Variants in ST7 observed in about 807,000 individuals in gnomAD.
ST7 encodes the protein suppressor of tumorigenicity 7 protein.
A neutral mutation model predicts 78.7 loss-of-function variants in ST7; 28 were observed. That is an observed-to-expected ratio of 0.36 (90% CI 0.26 to 0.49). ST7 has a LOEUF of 0.49. Among genes scored for constraint, ST7 ranks in the 20% least tolerant of loss-of-function variants. The pLI, the probability that ST7 is intolerant of heterozygous loss-of-function variation, is 0.99. For synonymous variants in ST7, 247 were observed against 249.6 expected (o/e 0.99, Z 0.10); for missense variants, 418 against 696.0 (o/e 0.60, Z 4.49).
intron 12 of ST7, among the ~76,000 whole-genome samples, chr7:117,202,735 A>G (rs1315701611): frequency 6.6e-6 from 1 of 152,094 alleles, no homozygotes; most frequent in African/African-American, 2.4e-5. Context: ...TCACTTCCCA[A>G]TTGCCTATGG....
At chr7:117,198,053 A>C (rs1810481555) in intron 12 of ST7, among the ~76,000 whole-genome samples, 1 of 152,226 alleles carries the variant, frequency 6.6e-6, no homozygotes, top group Admixed American at 6.5e-5. Context: ...CTTTGTCTCT[A>C]AAAAAGAGAA....
At chr7:117,031,830 A>ATGCATATATGTG (rs1796593763) in intron 1 of ST7, among the ~76,000 whole-genome samples, 1 of 100,472 alleles carries the variant, frequency 1.0e-5, no homozygotes, top group East Asian at 6.7e-4. Context: ...ATCTATATCT[A>ATGCATATATGTG]TATCTATATC....
At chr7:117,150,403 C>T (rs1806155927) in intron 9 of ST7, among the ~76,000 whole-genome samples, 1 of 152,166 alleles carries the variant, frequency 6.6e-6, no homozygotes, top group African/African-American at 2.4e-5. Flanking sequence ...TCTCTTGACT[C>T]TTCTGTTTCT....
At chr7:116,993,408 C>T (rs541204000) in intron 1 of ST7, among the ~76,000 whole-genome samples, 4 of 152,242 alleles carry the variant, frequency 2.6e-5, no homozygotes, top group South Asian at 4.1e-4. Flanking sequence ...ATAGAACCAT[C>T]GTATCTCGTA....
In ST7 at chr7:117,180,562, T is replaced by A. The variant is rs543324437; in HGVS notation, c.1079-8759T>A. Among the ~76,000 whole-genome samples the A allele has an allele frequency of 3.0e-3, 464 of 152,216 alleles. 3 individuals carry two copies. The highest frequency in any genetic ancestry group is 8.3e-3 in the African/African-American group (345 of 41,546). On this transcript the variant is annotated intron_variant, in intron 10 of 15. Transcript: ENST00000323984. ...TATCCTGTAGCTATAGTTAAAAAAATAAATAAATAAATAAAAGGAATATTA... is the reference window on the plus strand; with the variant it reads ...TATCCTGTAGCTATAGTTAAAAAAAAAAATAAATAAATAAAAGGAATATTA...
chr7:117,143,524 T>C (rs1056077691), intron 9 of ST7, among the ~76,000 whole-genome samples: 2 of 152,216 alleles, frequency 1.3e-5, no homozygotes, highest in East Asian at 3.8e-4. Flanking sequence ...AAATATCATC[T>C]CAATGACAAA....
At chr7:117,177,997 T>TTTTG (rs1227611683) in intron 10 of ST7, among the ~76,000 whole-genome samples, 2 of 152,158 alleles carry the variant, frequency 1.3e-5, no homozygotes, top group African/African-American at 4.8e-5. Context: ...TCTTTTCCAT[T>TTTTG]TTTGTTTGTT....
At chr7:116,993,031 A>G (rs989881492) in intron 1 of ST7, among the ~76,000 whole-genome samples, 1 of 152,142 alleles carries the variant, frequency 6.6e-6, no homozygotes, top group African/African-American at 2.4e-5. Context: ...CCATATCGCT[A>G]TCAGCATTTT....
chr7:116,998,864 G>A (rs1794798524), intron 1 of ST7, among the ~76,000 whole-genome samples: 1 of 152,218 alleles, frequency 6.6e-6, no homozygotes, highest in African/African-American at 2.4e-5. Flanking sequence ...GCCTCTGTAA[G>A]GGAGGTGACT....
chr7:117,199,244 A>G (rs1458058267), intron 12 of ST7: 13 of 152,154 alleles, frequency 8.5e-5, no homozygotes, highest in Admixed American at 8.5e-4. Context: ...GTAGGGGCCC[A>G]CTTGAAAATC....
chr7:117,220,493 C>G (rs1480349667), intron 14 of ST7, among the ~76,000 whole-genome samples: 2 of 152,154 alleles, frequency 1.3e-5, no homozygotes, highest in African/African-American at 4.8e-5. Flanking sequence ...CTGAAAAGTA[C>G]AGTATTTTTA....
chr7:116,991,884 A>C (rs1267843656), intron 1 of ST7, among the ~76,000 whole-genome samples: 3 of 152,196 alleles, frequency 2.0e-5, no homozygotes, highest in Non-Finnish European at 4.4e-5. Flanking sequence ...AGCCATTCCA[A>C]TGGGAGAAAT....
intron 1 of ST7, among the ~76,000 whole-genome samples, chr7:117,022,627 G>A (rs1382044149): frequency 1.3e-5 from 2 of 152,070 alleles, no homozygotes; most frequent in Non-Finnish European, 2.9e-5. Flanking sequence ...GTTCAAAAGG[G>A]ATCTCCCAAA....
intron 1 of ST7, chr7:116,972,654 C>T: frequency 1.7e-6 from 2 of 1,154,674 alleles, no homozygotes; most frequent in South Asian, 2.5e-5. Flanking sequence ...CTCTCTCACT[C>T]TCATCAGCAG....
chr7:117,113,736 A>G (rs1802623531), intron 2 of ST7, among the ~76,000 whole-genome samples: 2 of 152,212 alleles, frequency 1.3e-5, no homozygotes, highest in Non-Finnish European at 2.9e-5. Context: ...AACTGACTGC[A>G]TCAGAATTAT....
intron 1 of ST7, among the ~76,000 whole-genome samples, chr7:117,019,431 G>T (rs1239091192): frequency 6.6e-6 from 1 of 152,016 alleles, no homozygotes; most frequent in Non-Finnish European, 1.5e-5. Context: ...TCTTTGTGTG[G>T]GTAGATCAAA....
intron 1 of ST7, among the ~76,000 whole-genome samples, chr7:117,020,938 C>T (rs1242133058): frequency 1.3e-5 from 2 of 151,986 alleles, no homozygotes; most frequent in Non-Finnish European, 2.9e-5. Context: ...TTGTAGGCTC[C>T]GTAATGGTGC....
intron 2 of ST7, chr7:117,117,968 A>G (rs1451821386): frequency 1.6e-4 from 24 of 152,196 alleles, no homozygotes; most frequent in Non-Finnish European, 7.3e-5. Flanking sequence ...TTCTTCTTTT[A>G]TGCAAAATCC....
chr7:116,961,884 T>G (rs1792851518), intron 1 of ST7, among the ~76,000 whole-genome samples: 1 of 151,914 alleles, frequency 6.6e-6, no homozygotes, highest in Admixed American at 6.6e-5. Context: ...GTCATCTAGG[T>G]TTTAACCCCT....
Sources: gnomAD v4.1 joint callset for allele counts (sites outside exome capture counted in the v4.1 genomes callset) on GRCh38, gnomAD v4.1.1 for gene constraint, MANE v1.5 for transcripts, NCBI Gene and HGNC (gene_info 2026-07-23, HGNC 2026-07-21) for gene names.